LIMS1: variants seen among roughly 807,000 people sequenced by gnomAD.
The protein encoded by LIMS1 is LIM zinc finger domain containing 1.
In LIMS1, 18 loss-of-function variants were observed where a neutral mutation model predicts 44.1. The observed-to-expected ratio is 0.41, with a 90% CI of 0.28 to 0.61. The LOEUF (loss-of-function observed/expected upper bound fraction) is 0.61. Ranked by LOEUF, LIMS1 falls within the 20% of genes least tolerant of loss-of-function variation. LIMS1 has a pLI of 0.32. For synonymous variants in LIMS1, 93 were observed against 149.1 expected (o/e 0.62, Z 2.74); for missense variants, 201 against 422.0 (o/e 0.48, Z 4.59).
At chr2:108,682,852 T>C (rs1306349852) in intron 9 of LIMS1, among the ~76,000 whole-genome samples, 1 of 152,242 alleles carries the variant, frequency 6.6e-6, no homozygotes, top group Non-Finnish European at 1.5e-5. Context: ...TCACAAATGC[T>C]ACCTGAATAT....
At chr2:108,640,955 C>T (rs1454310831) in intron 1 of LIMS1, among the ~76,000 whole-genome samples, 1 of 152,156 alleles carries the variant, frequency 6.6e-6, no homozygotes, top group Non-Finnish European at 1.5e-5. Flanking sequence ...CCTTCCCACC[C>T]TCTAATAACC....
chr2:108,551,485 GCGCGCGCA>G (rs1684695283), intron 1 of LIMS1, among the ~76,000 whole-genome samples: 1 of 97,320 alleles, frequency 1.0e-5, no homozygotes, highest in South Asian at 3.9e-4. Context: ...ATATATGCGC[GCGCGCGCA>G]CACACACACA....
At chr2:108,583,023 T>G (rs1349071506) in intron 1 of LIMS1, among the ~76,000 whole-genome samples, 2 of 151,746 alleles carry the variant, frequency 1.3e-5, no homozygotes, top group Non-Finnish European at 2.9e-5. Flanking sequence ...AAAAGGGGTG[T>G]TTTTTGTTGT....
At chr2:108,579,358 A>G (rs774083695) in intron 1 of LIMS1, among the ~76,000 whole-genome samples, 7 of 152,156 alleles carry the variant, frequency 4.6e-5, no homozygotes, top group Non-Finnish European at 8.8e-5. Flanking sequence ...TGTACCTTCT[A>G]CCACTATATA....
At chr2:108,648,593 T>G (rs183359467) in intron 1 of LIMS1, among the ~76,000 whole-genome samples, 1 of 152,234 alleles carries the variant, frequency 6.6e-6, no homozygotes, top group Admixed American at 6.5e-5. Context: ...CAAGGCTGTT[T>G]TGTTACTACA....
chr2:108,652,950 G>C (rs1690603267), intron 1 of LIMS1, among the ~76,000 whole-genome samples: 1 of 152,002 alleles, frequency 6.6e-6, no homozygotes, highest in Non-Finnish European at 1.5e-5. Context: ...AGGAAATATA[G>C]ATAAATTGAA....
chr2:108,561,837 G>A (rs1685135315), intron 1 of LIMS1, among the ~76,000 whole-genome samples: 1 of 151,040 alleles, frequency 6.6e-6, no homozygotes, highest in South Asian at 2.1e-4. Flanking sequence ...CTGCCTCCCG[G>A]GTTCAAGCAA....
chr2:108,604,121 A>T (rs1687149849), intron 1 of LIMS1, among the ~76,000 whole-genome samples: 1 of 152,068 alleles, frequency 6.6e-6, no homozygotes, highest in Non-Finnish European at 1.5e-5. Context: ...TTTCCTTTCC[A>T]TGTATTTATA....
At chr2:108,538,806 C>T (rs1684222834) in intron 1 of LIMS1, among the ~76,000 whole-genome samples, 1 of 152,150 alleles carries the variant, frequency 6.6e-6, no homozygotes, top group Non-Finnish European at 1.5e-5. Flanking sequence ...CATCACTACC[C>T]TTCCTTCCAA....
intron 1 of LIMS1, among the ~76,000 whole-genome samples, chr2:108,561,635 A>G (rs1044275196): frequency 6.6e-5 from 10 of 152,036 alleles, no homozygotes; most frequent in African/African-American, 2.4e-4. Context: ...TTCCAACAGC[A>G]TGTGCTCACT....
At chr2:108,607,807 A>G (rs1448531472) in intron 1 of LIMS1, among the ~76,000 whole-genome samples, 1 of 152,182 alleles carries the variant, frequency 6.6e-6, no homozygotes, top group African/African-American at 2.4e-5. Context: ...TGTATCAAGT[A>G]GGGGCTCCTT....
At chr2:108,603,640 G>T (rs1335725905) in intron 1 of LIMS1, among the ~76,000 whole-genome samples, 3 of 151,010 alleles carry the variant, frequency 2.0e-5, no homozygotes, top group Non-Finnish European at 4.4e-5. Flanking sequence ...GATTACATTT[G>T]ACAGAGTTTT....
intron 2 of LIMS1, among the ~76,000 whole-genome samples, chr2:108,663,757 A>AT (rs1437897679): frequency 3.9e-4 from 58 of 149,500 alleles, no homozygotes; most frequent in East Asian, 2.2e-3. Context: ...TTTTATTTTT[A>AT]TTTTTATTTT....
chr2:108,538,866 C>T lies in LIMS1; in HGVS notation c.32+4272C>T, dbSNP rs567563915. Among the ~76,000 whole-genome samples, 4 of 152,278 alleles carry T rather than the reference C, an allele frequency of 2.6e-5. 1 individual carries two copies. The highest frequency in any genetic ancestry group is 2.1e-4 in the South Asian group (1 of 4,824). On this transcript the variant is annotated intron_variant, in intron 1 of 9. Coordinates refer to ENST00000544547, the Ensembl canonical transcript of LIMS1. ...AAACTCTGTGACCAGTAAATACCAA[C>T]TCCCCATTTCTTGCAATTGCTTTTT...
At chr2:108,570,307 G>A (rs759050131) in intron 1 of LIMS1, among the ~76,000 whole-genome samples, 5 of 152,074 alleles carry the variant, frequency 3.3e-5, no homozygotes, top group Non-Finnish European at 7.4e-5. Flanking sequence ...GCGCGTGCCT[G>A]TAATCCCAGC....
chr2:108,605,051 C>T (rs1441445093), intron 1 of LIMS1, among the ~76,000 whole-genome samples: 1 of 152,186 alleles, frequency 6.6e-6, no homozygotes, highest in African/African-American at 2.4e-5. Flanking sequence ...AGCTGAGGCA[C>T]AGGAATGTGT....
intron 1 of LIMS1, among the ~76,000 whole-genome samples, chr2:108,571,551 T>A (rs1442348725): frequency 6.6e-6 from 1 of 152,220 alleles, no homozygotes; most frequent in African/African-American, 2.4e-5. Flanking sequence ...ATCCTGTTAC[T>A]CATCTAAGGT....
intron 1 of LIMS1, among the ~76,000 whole-genome samples, chr2:108,535,554 A>G (rs74984160): frequency 0.012 from 1,853 of 152,328 alleles, 45 homozygotes; most frequent in African/African-American, 0.043. Context: ...TGTCGTTTGG[A>G]AGATATTGGC....
intron 1 of LIMS1, among the ~76,000 whole-genome samples, chr2:108,535,163 A>G (rs1247452941): frequency 1.3e-5 from 2 of 152,250 alleles, no homozygotes; most frequent in African/African-American, 2.4e-5. Flanking sequence ...CTGACTTAGT[A>G]GAGACAACTA....
Sources: gnomAD v4.1 joint callset for allele counts (sites outside exome capture counted in the v4.1 genomes callset) on GRCh38, gnomAD v4.1.1 for gene constraint, MANE v1.5 for transcripts, NCBI Gene and HGNC (gene_info 2026-07-23, HGNC 2026-07-21) for gene names.